CNTNAP3: variants seen among roughly 807,000 people sequenced by gnomAD.
CNTNAP3 encodes contactin associated protein family member 3, also known as contactin-associated protein-like 3.
Under a neutral mutation model 92.1 loss-of-function variants are expected in CNTNAP3, and 36 were observed. The ratio of observed to expected loss-of-function variants is 0.39; its 90% confidence interval spans 0.30 to 0.52. The LOEUF is 0.52. Ranked by LOEUF, CNTNAP3 falls within the 20% of genes least tolerant of loss-of-function variation. The pLI is 0.76. For missense variants in CNTNAP3, 534 were observed against 1,069.6 expected, an observed-to-expected ratio of 0.50 and a Z score of 6.98; for synonymous variants, 232 against 422.3, an observed-to-expected ratio of 0.55 and a Z score of 5.53.
At position 39,072,919 on chromosome 9, in the gene CNTNAP3, A is replaced by G. The variant is rs1825659920; in HGVS notation, c.*971T>C. On this transcript the variant is annotated 3_prime_UTR_variant, in exon 24 of 24. Coordinates refer to ENST00000297668, the MANE Select transcript of CNTNAP3 (RefSeq NM_033655.5). The stretch of plus-strand genomic sequence containing the variant: ...TGACCTCTCAATATCTTGGGGAAGT[A>G]AGTTAGGATGATGTTTCATTCACGT... The G allele has an allele frequency of 6.5e-6, 1 of 152,804 alleles. No individual in the cohort carries two copies. The highest frequency in any genetic ancestry group is 1.5e-5 in the Non-Finnish European group (1 of 68,078). The allele number at this position is 152,804 out of a possible 1,614,324, so 9.5% of individuals were successfully genotyped here.
At chr9:39,083,060 T>TA (rs55764354) in intron 21 of CNTNAP3, among the ~76,000 whole-genome samples, 1 of 151,024 alleles carries the variant, frequency 6.6e-6, no homozygotes, top group African/African-American at 2.4e-5. Context: ...TGATGAATTT[T>TA]AAAATGTTAA....
At chr9:39,127,464 G>A (rs577358415) in intron 13 of CNTNAP3, among the ~76,000 whole-genome samples, 1 of 152,142 alleles carries the variant, frequency 6.6e-6, no homozygotes, top group African/African-American at 2.4e-5. Flanking sequence ...AAAAATAATA[G>A]AGAAAATCAT....
intron 10 of CNTNAP3, among the ~76,000 whole-genome samples, chr9:39,148,440 C>T (rs1821755572): frequency 1.3e-5 from 2 of 151,412 alleles, no homozygotes; most frequent in African/African-American, 4.9e-5. Context: ...GATAATTTTA[C>T]AGTTAATGTT....
At chr9:39,097,603 C>T (rs891951931) in intron 18 of CNTNAP3, among the ~76,000 whole-genome samples, 8 of 151,688 alleles carry the variant, frequency 5.3e-5, no homozygotes, top group African/African-American at 1.9e-4. Flanking sequence ...GAGCTTCTGT[C>T]CTACAAAACT....
At chr9:39,103,616 TAGA>T (rs764831246) in intron 16 of CNTNAP3, 125 bp downstream of exon 16, 110 of 1,159,720 alleles carry the variant, frequency 9.5e-5, no homozygotes, top group Non-Finnish European at 1.2e-4. Flanking sequence ...CCTAAAATCA[TAGA>T]AGTTTAGTAT....
chr9:39,140,290 T>G lies in CNTNAP3; in HGVS notation c.1876+229A>C, dbSNP rs527705175. On this transcript the variant is annotated intron_variant, in intron 12 of 23. Transcript: ENST00000297668. ...ATGAACAGATGTATTACGAAGAGTG[T>G]AGGAGCTAGAGAGATGCCTTGGCAG... Among the ~76,000 whole-genome samples, 5 of 152,296 alleles carry G rather than the reference T, an allele frequency of 3.3e-5. No homozygotes were observed. The East Asian group carries it at 9.6e-4, about 29-fold the overall frequency.
chr9:39,226,949 T>TAC lies in CNTNAP3; in HGVS notation c.390+12043_390+12044insGT, dbSNP rs1429296772. 1.1e-3 allele frequency among the ~76,000 whole-genome samples: 16 copies of TAC among 14,032 alleles called. 7 individuals carry two copies. Among genetic ancestry groups the TAC allele is most frequent in the Non-Finnish European group, 6.0e-3 (8 of 1,324 alleles). The allele number at this position is 14,032 out of a possible 152,430, so 9.2% of individuals were successfully genotyped here. A position where few individuals can be genotyped will look rare whatever the true frequency, so the allele number is the denominator to read the frequency against. ...GTGTATGTATATGTGTGTATATATATATACCATATTTTCTTTATTCAATCC... is the reference window on the plus strand; with the variant it reads ...GTGTATGTATATGTGTGTATATATATACATACCATATTTTCTTTATTCAATCC... On this transcript the variant is annotated intron_variant, in intron 3 of 23. Coordinates refer to ENST00000297668, the MANE Select transcript of CNTNAP3 (RefSeq NM_033655.5).
chr9:39,142,090 A>G (rs1052446688), intron 11 of CNTNAP3, among the ~76,000 whole-genome samples: 16 of 152,078 alleles, frequency 1.1e-4, no homozygotes, highest in Non-Finnish European at 2.1e-4. Flanking sequence ...ATCTCCTGAT[A>G]TTTTCCCTCA....
chr9:39,161,736 T>G (rs1247323520), intron 9 of CNTNAP3, among the ~76,000 whole-genome samples: 1 of 129,460 alleles, frequency 7.7e-6, no homozygotes, highest in Admixed American at 7.7e-5. Context: ...TAGTCCAGGC[T>G]AATCAGGAGG....
At chr9:39,115,280 C>T (rs917307685) in intron 14 of CNTNAP3, among the ~76,000 whole-genome samples, 1 of 151,192 alleles carries the variant, frequency 6.6e-6, no homozygotes, top group Non-Finnish European at 1.5e-5. Flanking sequence ...ATAAACTTTC[C>T]ACCAGGAAAA....
chr9:39,067,724 A>G lies in CNTNAP3; in HGVS notation c.*6166T>C. On this transcript the variant is annotated 3_prime_UTR_variant, in exon 24 of 24. Coordinates refer to ENST00000297668, the MANE Select transcript of CNTNAP3 (RefSeq NM_033655.5). ...TGTTGGATAGTTTTATGTTACTGGA[A>G]ATACATGTGAACTTTGCTCAGAGAT... Among the ~76,000 whole-genome samples the G allele has an allele frequency of 6.6e-6, 1 of 152,312 alleles. No homozygotes were observed. Among genetic ancestry groups the G allele is most frequent in the Non-Finnish European group, 1.5e-5 (1 of 68,058 alleles).
At chr9:39,113,775 T>C (rs1262020186) in intron 14 of CNTNAP3, among the ~76,000 whole-genome samples, 2 of 151,532 alleles carry the variant, frequency 1.3e-5, no homozygotes, top group African/African-American at 2.4e-5. Flanking sequence ...TCAACAATAA[T>C]GTATAATACA....
chr9:39,102,460 C>T (rs1381112799), intron 17 of CNTNAP3, 37 bp downstream of exon 17: 5 of 1,493,420 alleles, frequency 3.3e-6, no homozygotes, highest in Non-Finnish European at 4.6e-6. Context: ...CCTCTCTGGA[C>T]TCACACTAAA....
intron 13 of CNTNAP3, among the ~76,000 whole-genome samples, chr9:39,123,385 C>T (rs927174844): frequency 6.6e-6 from 1 of 152,168 alleles, no homozygotes; most frequent in East Asian, 1.9e-4. Flanking sequence ...AGTGAGTCAC[C>T]GCGCCCGACC....
In CNTNAP3 at chr9:39,118,113, G is replaced by A. The variant is rs371376766; in HGVS notation, c.2227C>T (p.Arg743Trp). The change falls in exon 14 of 24, where the codon CGG (arginine) becomes TGG (tryptophan). Residue 743 changes from arginine to tryptophan, a missense_variant. Coordinates refer to ENST00000297668, the MANE Select transcript of CNTNAP3 (RefSeq NM_033655.5). ...SQYYCNCDAG[R>W]NEWTSDTIVL... is the part of the protein sequence containing the mutation. ...TCATGTGGAAATCACCATTCATTCC[G>A]GCCAGCATCACAGTTGCAGTAATAC... is the stretch of plus-strand genomic sequence containing the variant. The A allele has an allele frequency of 3.2e-5, 52 of 1,606,236 alleles. No individual in the cohort carries two copies. The East Asian group carries it at 4.9e-4, about 15-fold the overall frequency.
chr9:39,202,339 C>G (rs9407147), intron 3 of CNTNAP3, among the ~76,000 whole-genome samples: 4,802 of 40,470 alleles, frequency 0.12, 1,218 homozygotes, highest in African/African-American at 0.19. Context: ...AGCCCAAAAT[C>G]TCCTTAAGCT....
At chr9:39,107,733 C>T (rs919087833) in intron 15 of CNTNAP3, among the ~76,000 whole-genome samples, 2 of 152,024 alleles carry the variant, frequency 1.3e-5, no homozygotes, top group African/African-American at 4.8e-5. Context: ...TTGGAAGAAA[C>T]AGAAAAAATG....
intron 18 of CNTNAP3, 59 bp downstream of exon 18, chr9:39,099,852 C>G (rs1826411791): frequency 3.2e-6 from 5 of 1,578,570 alleles, no homozygotes; most frequent in Non-Finnish European, 4.3e-6. Context: ...CAGAAGCATT[C>G]TTCATGTTAT....
chr9:39,142,997 C>G (rs1433810180), intron 11 of CNTNAP3, among the ~76,000 whole-genome samples: 1 of 151,834 alleles, frequency 6.6e-6, no homozygotes, highest in Admixed American at 6.6e-5. Context: ...CTTGAAGACC[C>G]AGGGATGGGC....
Sources: allele counts gnomAD v4.1 joint callset (sites outside exome capture counted in the v4.1 genomes callset), GRCh38; gene constraint gnomAD v4.1.1; transcripts MANE v1.5; gene names NCBI Gene and HGNC (gene_info 2026-07-23, HGNC 2026-07-21).